The following FHL5 variants were observed in gnomAD, a reference collection of about 807,000 sequenced individuals.
FHL5 encodes the protein four and a half LIM domains 5, also known as four and a half LIM domains protein 5.
Under a neutral mutation model 32.0 loss-of-function variants are expected in FHL5, and 33 were observed. That is an observed-to-expected ratio of 1.03 (90% CI 0.78 to 1.38). FHL5 has a LOEUF of 1.38. FHL5 is among the 40% of genes most tolerant of loss of function. The probability of loss-of-function intolerance (pLI) is 0.00; values close to 1 mark genes in which losing one functional copy is unlikely to be tolerated. For missense variants in FHL5, 336 were observed against 343.9 expected, an observed-to-expected ratio of 0.98 and a Z score of 0.18; for synonymous variants, 114 against 113.6, an observed-to-expected ratio of 1.00 and a Z score of -0.02.
chr6:96,594,227 T>TTATATATATA (rs1178680000), intron 1 of FHL5, among the ~76,000 whole-genome samples: 10 of 66,862 alleles, frequency 1.5e-4, no homozygotes, highest in Non-Finnish European at 2.2e-4. Flanking sequence ...ATATTAGAAT[T>TTATATATATA]TATATATATA....
intron 1 of FHL5, among the ~76,000 whole-genome samples, chr6:96,599,544 A>C (rs1290398622): frequency 6.6e-6 from 1 of 152,144 alleles, no homozygotes; most frequent in Non-Finnish European, 1.5e-5. Flanking sequence ...GCAAACTAGA[A>C]AAACAAAGCC....
chr6:96,569,569 T>C (rs2127958481), intron 1 of FHL5, among the ~76,000 whole-genome samples: 1 of 152,128 alleles, frequency 6.6e-6, no homozygotes, highest in African/African-American at 2.4e-5. Flanking sequence ...ATTTCTCCTT[T>C]GGGTTTAATT....
chr6:96,582,947 T>A (rs1770724899), intron 1 of FHL5, among the ~76,000 whole-genome samples: 1 of 152,152 alleles, frequency 6.6e-6, no homozygotes, highest in East Asian at 1.9e-4. Flanking sequence ...CCCATGACTT[T>A]TCCATTCTTA....
At chr6:96,581,263 T>C (rs192588319) in intron 1 of FHL5, among the ~76,000 whole-genome samples, 6 of 152,336 alleles carry the variant, frequency 3.9e-5, no homozygotes, top group Non-Finnish European at 1.5e-5. Flanking sequence ...TCACTCATTA[T>C]TGACAGAAAT....
At chr6:96,582,200 G>T (rs1024647613) in intron 1 of FHL5, among the ~76,000 whole-genome samples, 2 of 151,994 alleles carry the variant, frequency 1.3e-5, no homozygotes, top group Admixed American at 1.3e-4. Flanking sequence ...AAATGATTGC[G>T]GTTTCTTTGG....
intron 1 of FHL5, among the ~76,000 whole-genome samples, chr6:96,600,481 T>C (rs1355766176): frequency 7.2e-5 from 11 of 152,114 alleles, no homozygotes; most frequent in African/African-American, 2.2e-4. Context: ...CTTGCTTCTT[T>C]TCTTCATTCC....
intron 1 of FHL5, among the ~76,000 whole-genome samples, chr6:96,597,058 T>A (rs1771050609): frequency 6.6e-6 from 1 of 152,058 alleles, no homozygotes; most frequent in Admixed American, 6.6e-5. Context: ...AATGCTTCCA[T>A]CCTTTCCTCA....
chr6:96,607,081 T>G (rs560277072), intron 4 of FHL5, among the ~76,000 whole-genome samples: 29 of 152,140 alleles, frequency 1.9e-4, no homozygotes, highest in Non-Finnish European at 4.1e-4. Flanking sequence ...TGAAGTAAAC[T>G]TCATCCAATT....
Position 96,597,626 on chromosome 6 carries a change from C to T in FHL5, c.-12-5976C>T, listed in dbSNP as rs553616394. Among the ~76,000 whole-genome samples the T allele has an allele frequency of 2.6e-5, 4 of 152,314 alleles. No homozygotes were observed. The East Asian group carries it at 7.7e-4, about 29-fold the overall frequency. On this transcript the variant is annotated intron_variant, in intron 1 of 5. Coordinates refer to ENST00000450218, the MANE Select transcript of FHL5 (RefSeq NM_001322466.2). ...AAGCCATTGATGACCTTGCCCTAGT[C>T]TTCCTTTTCAAATTTATCTTCCAAT...
At chr6:96,585,503 G>A (rs369560573) in intron 1 of FHL5, among the ~76,000 whole-genome samples, 2 of 151,760 alleles carry the variant, frequency 1.3e-5, no homozygotes, top group Non-Finnish European at 2.9e-5. Flanking sequence ...TAATAATTAT[G>A]GTGCTATTTG....
chr6:96,601,710 C>T (rs76632738), intron 1 of FHL5, among the ~76,000 whole-genome samples: 5,647 of 152,192 alleles, frequency 0.037, 135 homozygotes, highest in African/African-American at 0.049. Flanking sequence ...TTAATGAAAA[C>T]GACGTTTTCC....
rs1439238702 is a variant in FHL5 at position 96,616,427 on chromosome 6, A to C, written c.*655A>C. 1 of 152,200 alleles carries C rather than the reference A, an allele frequency of 6.6e-6. No individual in the cohort carries two copies. Among genetic ancestry groups the C allele is most frequent in the Non-Finnish European group, 1.5e-5 (1 of 68,038 alleles). The allele number at this position is 152,200 out of a possible 1,614,324, so 9.4% of individuals were successfully genotyped here. On this transcript the variant is annotated 3_prime_UTR_variant, in exon 6 of 6. Transcript: ENST00000450218. The stretch of plus-strand genomic sequence containing the variant: ...GGACATTATGGCTCTCATAATCTGC[A>C]TAGGTATAAAGAGGATCATTTCTAC...
intron 1 of FHL5, among the ~76,000 whole-genome samples, chr6:96,600,800 T>C (rs1771131568): frequency 6.6e-6 from 1 of 152,190 alleles, no homozygotes; most frequent in Non-Finnish European, 1.5e-5. Flanking sequence ...TTACCTCAAA[T>C]TACATTAACT....
chr6:96,584,439 G>GTC (rs1770755123), intron 1 of FHL5, among the ~76,000 whole-genome samples: 1 of 106,318 alleles, frequency 9.4e-6, no homozygotes, highest in South Asian at 3.5e-4. Flanking sequence ...TGGGATATGT[G>GTC]TGTGTGTGTG....
intron 1 of FHL5, among the ~76,000 whole-genome samples, chr6:96,586,357 T>A (rs145664984): frequency 0.026 from 3,931 of 152,264 alleles, 56 homozygotes; most frequent in Non-Finnish European, 0.031. Flanking sequence ...TGTTTAAAAA[T>A]TTTTTACACT....
At chr6:96,584,621 C>T (rs1770762675) in intron 1 of FHL5, among the ~76,000 whole-genome samples, 1 of 151,800 alleles carries the variant, frequency 6.6e-6, no homozygotes, top group Admixed American at 6.6e-5. Flanking sequence ...AGTTTTTCAC[C>T]AGAGAAAGAT....
chr6:96,564,190 A>G (rs1377213782), intron 1 of FHL5, among the ~76,000 whole-genome samples: 1 of 152,186 alleles, frequency 6.6e-6, no homozygotes, highest in Admixed American at 6.5e-5. Flanking sequence ...ATAAAATGTA[A>G]GGAAATCCTT....
At chr6:96,590,105 A>G (rs1352690564) in intron 1 of FHL5, among the ~76,000 whole-genome samples, 2 of 151,976 alleles carry the variant, frequency 1.3e-5, no homozygotes, top group African/African-American at 2.4e-5. Flanking sequence ...AAGTCTTCCA[A>G]TCTTGTTCTT....
intron 1 of FHL5, among the ~76,000 whole-genome samples, chr6:96,583,227 A>C (rs1434480039): frequency 6.6e-6 from 1 of 152,220 alleles, no homozygotes; most frequent in Non-Finnish European, 1.5e-5. Context: ...GGAAAAAAAG[A>C]AAATGAAATT....
Sources: gnomAD v4.1 joint callset for allele counts (sites outside exome capture counted in the v4.1 genomes callset) on GRCh38, gnomAD v4.1.1 for gene constraint, MANE v1.5 for transcripts, NCBI Gene and HGNC (gene_info 2026-07-23, HGNC 2026-07-21) for gene names.